CSMD1: variants seen among roughly 807,000 people sequenced by gnomAD.
CSMD1 encodes the protein CUB and Sushi multiple domains 1, also known as CUB and sushi domain-containing protein 1.
In CSMD1, 213 loss-of-function variants were observed where a neutral mutation model predicts 417.5. The observed-to-expected ratio is 0.51, with a 90% CI of 0.46 to 0.57. The LOEUF (loss-of-function observed/expected upper bound fraction) is 0.57. Ranked by LOEUF, CSMD1 falls within the 20% of genes least tolerant of loss-of-function variation. The pLI is 0.00. For missense variants in CSMD1, 6,923 were observed against 4,529.7 expected, an observed-to-expected ratio of 1.53 and a Z score of -15.17; for synonymous variants, 2,862 against 1,736.8, an observed-to-expected ratio of 1.65 and a Z score of -16.11.
At chr8:3,197,380 T>C (rs1355294751) in intron 33 of CSMD1, among the ~76,000 whole-genome samples, 1 of 151,248 alleles carries the variant, frequency 6.6e-6, no homozygotes, top group Non-Finnish European at 1.5e-5. Flanking sequence ...AATTTGAAGC[T>C]GAATTTGTTT....
At chr8:4,695,368 T>C (rs1044731641) in intron 1 of CSMD1, among the ~76,000 whole-genome samples, 2 of 152,228 alleles carry the variant, frequency 1.3e-5, no homozygotes, top group Non-Finnish European at 2.9e-5. Context: ...CTGGCCCCTG[T>C]TCACATGTGT....
intron 49 of CSMD1, among the ~76,000 whole-genome samples, chr8:3,079,416 A>T (rs1813922698): frequency 6.6e-6 from 1 of 152,240 alleles, no homozygotes; most frequent in South Asian, 2.1e-4. Context: ...TAAGTTTCTA[A>T]TGAAATCTAA....
At chr8:4,366,569 T>TC (rs1221052292) in intron 3 of CSMD1, among the ~76,000 whole-genome samples, 7 of 152,216 alleles carry the variant, frequency 4.6e-5, no homozygotes, top group Non-Finnish European at 1.0e-4. Flanking sequence ...TACTTTTTTT[T>TC]CTGCAAATTC....
intron 12 of CSMD1, among the ~76,000 whole-genome samples, chr8:3,413,774 A>G (rs1426530606): frequency 6.6e-6 from 1 of 152,200 alleles, no homozygotes; most frequent in African/African-American, 2.4e-5. Context: ...GATACTGTTG[A>G]CAATGATACA....
intron 12 of CSMD1, among the ~76,000 whole-genome samples, chr8:3,448,929 C>T (rs535225101): frequency 6.6e-5 from 10 of 152,174 alleles, no homozygotes; most frequent in African/African-American, 1.9e-4. Context: ...AGCCACCTTC[C>T]CCCAAGAGTA....
At chr8:3,692,391 C>A (rs1318278494) in intron 7 of CSMD1, among the ~76,000 whole-genome samples, 3 of 152,136 alleles carry the variant, frequency 2.0e-5, no homozygotes, top group Non-Finnish European at 4.4e-5. Flanking sequence ...GAGCTTGTCA[C>A]TTCTAACGTG....
At chr8:3,306,478 G>GTAAC (rs1409685782) in intron 25 of CSMD1, among the ~76,000 whole-genome samples, 21 of 152,158 alleles carry the variant, frequency 1.4e-4, no homozygotes, top group Admixed American at 3.9e-4. Context: ...ACTTTGACCT[G>GTAAC]TAACTTTTTT....
Position 4,426,778 on chromosome 8 carries a change from GATGAT to G in CSMD1, c.303-6718_303-6714del, listed in dbSNP as rs938459612. Among the ~76,000 whole-genome samples the G allele has an allele frequency of 1.6e-4, 22 of 141,050 alleles. No individual in the cohort carries two copies. In the Middle Eastern group the frequency reaches 0.019, roughly 122 times the overall value. 92.5% of individuals were successfully genotyped at this position (141,050 alleles called of 152,430 possible). A position where few individuals can be genotyped will look rare whatever the true frequency, so the allele number is the denominator to read the frequency against. On this transcript the variant is annotated intron_variant, in intron 2 of 69. Transcript: ENST00000635120. ...TAGTAATATTTTATATTACAATACA[GATGAT>G]ATTATATAATATAGAAATATAGTAT...
At chr8:4,253,771 C>G (rs1012404213) in intron 3 of CSMD1, among the ~76,000 whole-genome samples, 3 of 151,658 alleles carry the variant, frequency 2.0e-5, no homozygotes, top group Admixed American at 6.6e-5. Flanking sequence ...AAAAAAACAG[C>G]TGATGAAAAT....
At chr8:3,242,453 C>T (rs994116824) in intron 26 of CSMD1, among the ~76,000 whole-genome samples, 3 of 151,962 alleles carry the variant, frequency 2.0e-5, no homozygotes, top group Admixed American at 6.6e-5. Flanking sequence ...TAAAAGAATG[C>T]CTGGACGTCA....
At chr8:4,267,562 G>C (rs1004208865) in intron 3 of CSMD1, among the ~76,000 whole-genome samples, 20 of 151,930 alleles carry the variant, frequency 1.3e-4, no homozygotes, top group African/African-American at 4.8e-4. Flanking sequence ...AATAGCAATG[G>C]TCACTGACAC....
chr8:3,884,369 G>C (rs576144909), intron 5 of CSMD1, among the ~76,000 whole-genome samples: 2 of 152,198 alleles, frequency 1.3e-5, no homozygotes, highest in Non-Finnish European at 2.9e-5. Flanking sequence ...AGAACTGTTA[G>C]TGACATGGTG....
chr8:3,589,289 C>T (rs182539810), intron 8 of CSMD1, among the ~76,000 whole-genome samples: 1 of 152,200 alleles, frequency 6.6e-6, no homozygotes, highest in East Asian at 1.9e-4. Context: ...TCTGCACTCT[C>T]ATAGTCACTG....
chr8:4,370,942 G>C (rs531422225), intron 3 of CSMD1, among the ~76,000 whole-genome samples: 1 of 152,278 alleles, frequency 6.6e-6, no homozygotes, highest in South Asian at 2.1e-4. Context: ...ATTTCAGTCT[G>C]GTTTGAATCC....
At chr8:3,828,027 G>T (rs1044609656) in intron 5 of CSMD1, among the ~76,000 whole-genome samples, 1 of 152,108 alleles carries the variant, frequency 6.6e-6, no homozygotes, top group Non-Finnish European at 1.5e-5. Context: ...CAATTATATG[G>T]ATTTGTGTGT....
intron 3 of CSMD1, among the ~76,000 whole-genome samples, chr8:4,238,923 C>T (rs1802225806): frequency 6.6e-6 from 1 of 152,100 alleles, no homozygotes. Context: ...ATTAATAGTT[C>T]TACATATGAT....
At chr8:3,236,043 G>C (rs948954381) in intron 26 of CSMD1, among the ~76,000 whole-genome samples, 1 of 149,576 alleles carries the variant, frequency 6.7e-6, no homozygotes, top group Non-Finnish European at 1.5e-5. Flanking sequence ...TCAGTCTCCG[G>C]AGTAGCTGGG....
chr8:3,363,781 C>T (rs1412562263), intron 20 of CSMD1, among the ~76,000 whole-genome samples: 1 of 152,138 alleles, frequency 6.6e-6, no homozygotes, highest in Non-Finnish European at 1.5e-5. Context: ...TGCTAATTCA[C>T]TAGAAGTTAG....
chr8:4,359,706 T>G (rs895218768), intron 3 of CSMD1, among the ~76,000 whole-genome samples: 1 of 152,226 alleles, frequency 6.6e-6, no homozygotes. Context: ...TTAGTGTGTT[T>G]GTCTATAGAC....
Sources: gnomAD v4.1 joint callset for allele counts (sites outside exome capture counted in the v4.1 genomes callset) on GRCh38, gnomAD v4.1.1 for gene constraint, MANE v1.5 for transcripts, NCBI Gene and HGNC (gene_info 2026-07-23, HGNC 2026-07-21) for gene names.